Variants in LRPPRC observed in about 807,000 individuals in gnomAD.
LRPPRC encodes the protein leucine-rich PPR motif-containing protein, mitochondrial.
In LRPPRC, 120 loss-of-function variants were observed where a neutral mutation model predicts 180.3. That is an observed-to-expected ratio of 0.67 (90% CI 0.57 to 0.77). The LOEUF (loss-of-function observed/expected upper bound fraction) is 0.77, where lower values mean the gene tolerates loss of function less well. Among genes scored for constraint, LRPPRC ranks in the 30% least tolerant of loss-of-function variants. LRPPRC has a pLI of 0.00. For missense variants in LRPPRC, 2,012 were observed against 1,657.2 expected, an observed-to-expected ratio of 1.21 and a Z score of -3.72; for synonymous variants, 723 against 600.0, an observed-to-expected ratio of 1.21 and a Z score of -3.00.
intron 34 of LRPPRC, among the ~76,000 whole-genome samples, chr2:43,897,077 G>C (rs1019594543): frequency 2.6e-5 from 4 of 152,104 alleles, no homozygotes; most frequent in African/African-American, 9.7e-5. Flanking sequence ...GGGATCATAA[G>C]GTTAATTATA....
intron 29 of LRPPRC, among the ~76,000 whole-genome samples, chr2:43,913,525 G>T (rs1292947124): frequency 6.6e-6 from 1 of 152,186 alleles, no homozygotes; most frequent in African/African-American, 2.4e-5. Flanking sequence ...ACGCTTCTAT[G>T]TATGAGTTAG....
chr2:43,922,031 T>C (rs536079095), intron 27 of LRPPRC, among the ~76,000 whole-genome samples: 5 of 152,330 alleles, frequency 3.3e-5, no homozygotes, highest in African/African-American at 4.8e-5. Context: ...ATAGAAATAA[T>C]AGAAAATTCC....
intron 28 of LRPPRC, 38 bp downstream of exon 28, chr2:43,918,218 A>G (rs974061318): frequency 6.2e-7 from 1 of 1,608,028 alleles, no homozygotes. Context: ...AATTATACTG[A>G]CAACAAAATC....
chr2:43,960,668 C>G (rs763817394), intron 12 of LRPPRC, 34 bp from the exon 13 acceptor site: 16 of 964,234 alleles, frequency 1.7e-5, no homozygotes, highest in Non-Finnish European at 2.5e-5. Flanking sequence ...GAGAATACAT[C>G]TCAGCTAACA....
chr2:43,960,719 G>C, intron 12 of LRPPRC, 85 bp from the exon 13 acceptor site: 1 of 785,420 alleles, frequency 1.3e-6, no homozygotes. Flanking sequence ...CTGATTATTT[G>C]AATCACCATA....
chr2:43,924,930 T>A, intron 27 of LRPPRC, 137 bp downstream of exon 27: 3 of 682,462 alleles, frequency 4.4e-6, no homozygotes, highest in Non-Finnish European at 8.0e-6. Context: ...AAATTCAATC[T>A]AGCCTCTACC....
intron 4 of LRPPRC, 30 bp downstream of exon 4, chr2:43,977,125 G>A (rs200344038): frequency 5.6e-6 from 9 of 1,610,066 alleles, no homozygotes; most frequent in Middle Eastern, 1.7e-4. Flanking sequence ...TGGTGGATGT[G>A]AAAATATATT....
intron 13 of LRPPRC, among the ~76,000 whole-genome samples, chr2:43,958,606 AG>A (rs1209139951): frequency 6.6e-6 from 1 of 152,254 alleles, no homozygotes; most frequent in Admixed American, 6.5e-5. Flanking sequence ...GGAATTTTAA[AG>A]GGAACACCAC....
chr2:43,899,406 T>C (rs1168046685), intron 33 of LRPPRC, 60 bp downstream of exon 33: 1 of 1,611,324 alleles, frequency 6.2e-7, no homozygotes, highest in Non-Finnish European at 8.5e-7. Context: ...AGAAATTTGG[T>C]CTAGTCTCAC....
intron 1 of LRPPRC, among the ~76,000 whole-genome samples, chr2:43,991,064 C>G (rs1374230286): frequency 6.8e-6 from 1 of 148,000 alleles, no homozygotes; most frequent in Non-Finnish European, 1.5e-5. Context: ...GGGTCTCACT[C>G]TGTCACTGAG....
intron 14 of LRPPRC, among the ~76,000 whole-genome samples, chr2:43,954,870 T>C (rs1437674069): frequency 6.6e-6 from 1 of 152,176 alleles, no homozygotes; most frequent in African/African-American, 2.4e-5. Flanking sequence ...GATGTTCATG[T>C]AGTGTTGTTA....
At chr2:43,981,660 A>C (rs77826662) in intron 2 of LRPPRC, among the ~76,000 whole-genome samples, 4 of 146,930 alleles carry the variant, frequency 2.7e-5, no homozygotes, top group Middle Eastern at 3.5e-3. Flanking sequence ...ACTCCATCCC[A>C]AAAAAAAAAA....
intron 14 of LRPPRC, 144 bp downstream of exon 14, chr2:43,957,241 A>AC (rs1673154487): frequency 4.2e-6 from 3 of 710,754 alleles, no homozygotes; most frequent in Admixed American, 4.5e-5. Context: ...AAAAGAAAAA[A>AC]TTAAACAAGC....
At chr2:43,977,670 C>T (rs915720532) in intron 3 of LRPPRC, among the ~76,000 whole-genome samples, 6 of 152,284 alleles carry the variant, frequency 3.9e-5, no homozygotes, top group African/African-American at 1.4e-4. Context: ...TTCTTTCACA[C>T]AGTAGGACTG....
intron 16 of LRPPRC, among the ~76,000 whole-genome samples, chr2:43,948,754 T>C (rs1672789786): frequency 6.6e-6 from 1 of 152,134 alleles, no homozygotes; most frequent in Non-Finnish European, 1.5e-5. Context: ...CAGTACTGAA[T>C]CTTACTTCAA....
rs779704671 is a variant in LRPPRC at position 43,973,729 on chromosome 2, A to G, written c.1262-15T>C. 1.2e-5 allele frequency: 19 copies of G among 1,606,202 alleles called. No individual in the cohort carries two copies. In the South Asian group the frequency reaches 1.2e-4, roughly 10 times the overall value. On this transcript the variant is annotated splice_polypyrimidine_tract_variant and intron_variant, in intron 10 of 37. Transcript: ENST00000260665. ...TTTTGCCAAATCTGAAAGAGATATC[A>G]TAAAAGATCACAAAGCTACCTCAGC...
At chr2:43,938,907 T>G (rs1478595334) in intron 23 of LRPPRC, among the ~76,000 whole-genome samples, 1 of 152,178 alleles carries the variant, frequency 6.6e-6, no homozygotes, top group Admixed American at 6.5e-5. Flanking sequence ...ATTTATCTAT[T>G]AGTAGCTTTA....
chr2:43,921,257 A>G (rs571301877), intron 27 of LRPPRC, among the ~76,000 whole-genome samples: 1 of 152,282 alleles, frequency 6.6e-6, no homozygotes, highest in East Asian at 1.9e-4. Context: ...GGGCCACTGC[A>G]CTCCAGCCTG....
intron 36 of LRPPRC, 42 bp from the exon 37 acceptor site, chr2:43,889,918 A>G: frequency 3.4e-6 from 5 of 1,463,750 alleles, no homozygotes; most frequent in Non-Finnish European, 4.8e-6. Flanking sequence ...GATAAAGACA[A>G]CCTATCTTAC....
Sources: allele counts gnomAD v4.1 joint callset (sites outside exome capture counted in the v4.1 genomes callset), GRCh38; gene constraint gnomAD v4.1.1; transcripts MANE v1.5; gene names NCBI Gene and HGNC (gene_info 2026-07-23, HGNC 2026-07-21).